Variants in WWC2 observed in about 807,000 individuals in gnomAD.
WWC2 encodes the protein WW and C2 domain containing 2.
Under a neutral mutation model 138.5 loss-of-function variants are expected in WWC2, and 101 were observed. That is an observed-to-expected ratio of 0.73 (90% CI 0.62 to 0.86). The LOEUF is 0.86. Among genes scored for constraint, WWC2 ranks in the 40% least tolerant of loss-of-function variants. The pLI is 0.00. For synonymous variants in WWC2, 558 were observed against 538.4 expected, an observed-to-expected ratio of 1.04 and a Z score of -0.50; for missense variants, 1,420 against 1,419.4, an observed-to-expected ratio of 1.00 and a Z score of -0.01.
intron 20 of WWC2, among the ~76,000 whole-genome samples, chr4:183,286,580 G>A (rs1439508720): frequency 6.6e-6 from 1 of 152,120 alleles, no homozygotes; most frequent in African/African-American, 2.4e-5. Flanking sequence ...TGAGCCTTAA[G>A]GATAAGTCTA....
chr4:183,306,463 A>G (rs1346682825), intron 21 of WWC2, among the ~76,000 whole-genome samples: 1 of 152,242 alleles, frequency 6.6e-6, no homozygotes, highest in African/African-American at 2.4e-5. Context: ...GAGTAGCTAT[A>G]TTAATTTCAG....
At position 183,320,335 on chromosome 4, in the gene WWC2, T is replaced by G; in HGVS notation, c.*4606T>G. 1 of 969,780 alleles carries G rather than the reference T, an allele frequency of 1.0e-6. No homozygotes were observed. Among genetic ancestry groups the G allele is most frequent in the Non-Finnish European group, 1.5e-6 (1 of 650,694 alleles). The allele number at this position is 969,780 out of a possible 1,614,324, so 60.1% of individuals were successfully genotyped here. A position where few individuals can be genotyped will look rare whatever the true frequency, so the allele number is the denominator to read the frequency against. ...CAGAAATATTTCTTCATTGTGTATATAGGAGGATTCTTGCCAGAGTTGCTA... is the reference window on the plus strand; with the variant it reads ...CAGAAATATTTCTTCATTGTGTATAGAGGAGGATTCTTGCCAGAGTTGCTA... On this transcript the variant is annotated 3_prime_UTR_variant, in exon 23 of 23. Transcript: ENST00000403733.
In WWC2 at chr4:183,193,727, T is replaced by C; in HGVS notation, c.241+19T>C. 6.3e-7 allele frequency: 1 copy of C among 1,587,796 alleles called. No individual in the cohort carries two copies. The highest frequency in any genetic ancestry group is 1.1e-5 in the South Asian group (1 of 89,116). ...ATCAACAGTAAGTTTTCCTTTTTGG[T>C]AAAAGCAAACATATCAGAAAAGTAA... is the stretch of plus-strand genomic sequence containing the variant. On this transcript the variant is annotated intron_variant, in intron 2 of 22. Transcript: ENST00000403733.
intron 21 of WWC2, 59 bp from the exon 22 acceptor site, chr4:183,312,282 C>T: frequency 2.5e-6 from 4 of 1,593,614 alleles, no homozygotes; most frequent in Non-Finnish European, 3.4e-6. Flanking sequence ...CATAGGATGT[C>T]TCCAGGGATT....
intron 1 of WWC2, among the ~76,000 whole-genome samples, chr4:183,116,689 A>G (rs763875926): frequency 2.6e-5 from 4 of 152,376 alleles, no homozygotes; most frequent in South Asian, 2.1e-4. Context: ...ATAATCTTCC[A>G]GTGCTTAATT....
chr4:183,265,642 C>T (rs377400016), intron 12 of WWC2, 46 bp from the exon 13 acceptor site: 24 of 1,542,660 alleles, frequency 1.6e-5, no homozygotes, highest in Admixed American at 5.6e-5. Flanking sequence ...CCATAACAAT[C>T]GATAACCCCA....
intron 1 of WWC2, among the ~76,000 whole-genome samples, chr4:183,124,613 G>A (rs1191359323): frequency 1.4e-5 from 2 of 140,350 alleles, no homozygotes; most frequent in African/African-American, 5.4e-5. Context: ...TTTTTGAGAC[G>A]GAGTCTTGCT....
rs536298775 is a variant in WWC2 at position 183,119,917 on chromosome 4, C to A, written c.131+20295C>A. On this transcript the variant is annotated intron_variant, in intron 1 of 22. Transcript: ENST00000403733. ...CTGAGTTCTTTACTCTGATATACAT[C>A]CATAGTGATAATTATATGATTCTTA... is the stretch of plus-strand genomic sequence containing the variant. Among the ~76,000 whole-genome samples the A allele has an allele frequency of 2.1e-4, 32 of 152,226 alleles. 1 individual carries two copies. The South Asian group carries it at 6.2e-3, about 30-fold the overall frequency.
intron 1 of WWC2, among the ~76,000 whole-genome samples, chr4:183,135,514 T>G (rs576900466): frequency 6.6e-6 from 1 of 152,166 alleles, no homozygotes; most frequent in Non-Finnish European, 1.5e-5. Context: ...CCTTTCCCAA[T>G]TTATATGCTA....
intron 1 of WWC2, among the ~76,000 whole-genome samples, chr4:183,169,441 T>A (rs1734217207): frequency 6.6e-6 from 1 of 152,064 alleles, no homozygotes. Flanking sequence ...AAAATAATTT[T>A]TTTTTTATTT....
At chr4:183,262,204 G>A (rs1013075487) in intron 11 of WWC2, among the ~76,000 whole-genome samples, 1 of 152,218 alleles carries the variant, frequency 6.6e-6, no homozygotes, top group African/African-American at 2.4e-5. Flanking sequence ...TGCAAAGCAG[G>A]AACTTTGAAT....
At chr4:183,287,983 C>T (rs1314564159) in intron 20 of WWC2, among the ~76,000 whole-genome samples, 1 of 152,180 alleles carries the variant, frequency 6.6e-6, no homozygotes, top group Non-Finnish European at 1.5e-5. Flanking sequence ...TACCAGCAGA[C>T]TCTTGTATGT....
intron 16 of WWC2, among the ~76,000 whole-genome samples, chr4:183,272,352 T>C (rs1737718501): frequency 6.6e-6 from 1 of 152,222 alleles, no homozygotes; most frequent in African/African-American, 2.4e-5. Context: ...TGATGTTTTA[T>C]CCTTAAGAAT....
intron 1 of WWC2, among the ~76,000 whole-genome samples, chr4:183,104,545 C>G (rs566829798): frequency 5.3e-5 from 8 of 152,240 alleles, no homozygotes; most frequent in Admixed American, 2.6e-4. Context: ...TTAATCACAA[C>G]TGCCATTGTC....
intron 2 of WWC2, among the ~76,000 whole-genome samples, chr4:183,206,259 A>G (rs1051460003): frequency 1.3e-5 from 2 of 152,088 alleles, no homozygotes; most frequent in Non-Finnish European, 2.9e-5. Flanking sequence ...TTATTCCACC[A>G]TGGCCTTCTT....
chr4:183,175,174 CA>C (rs1734427183), intron 1 of WWC2, among the ~76,000 whole-genome samples: 1 of 152,160 alleles, frequency 6.6e-6, no homozygotes, highest in African/African-American at 2.4e-5. Flanking sequence ...AAAATAGTTC[CA>C]TAACATCATT....
intron 21 of WWC2, among the ~76,000 whole-genome samples, chr4:183,303,325 T>C (rs1738919098): frequency 1.3e-5 from 2 of 152,192 alleles, no homozygotes; most frequent in South Asian, 4.1e-4. Flanking sequence ...CCTTTATGAA[T>C]TATGTTAAAC....
At chr4:183,196,942 T>C (rs1735162278) in intron 2 of WWC2, among the ~76,000 whole-genome samples, 1 of 152,214 alleles carries the variant, frequency 6.6e-6, no homozygotes, top group African/African-American at 2.4e-5. Flanking sequence ...ATTTTCATAT[T>C]GCATTTATAT....
At chr4:183,298,911 G>A (rs943777451) in intron 21 of WWC2, among the ~76,000 whole-genome samples, 1 of 152,096 alleles carries the variant, frequency 6.6e-6, no homozygotes, top group Non-Finnish European at 1.5e-5. Flanking sequence ...TGTGATTCCT[G>A]GAAGTTTTTC....
Sources: gnomAD v4.1 joint callset for allele counts (sites outside exome capture counted in the v4.1 genomes callset) on GRCh38, gnomAD v4.1.1 for gene constraint, MANE v1.5 for transcripts, NCBI Gene and HGNC (gene_info 2026-07-23, HGNC 2026-07-21) for gene names.